MSH4: variants seen among roughly 807,000 people sequenced by gnomAD.
MSH4 encodes the protein mutS homolog 4.
In MSH4, 106 loss-of-function variants were observed where a neutral mutation model predicts 113.7. That is an observed-to-expected ratio of 0.93 (90% confidence interval 0.80 to 1.10). The LOEUF (loss-of-function observed/expected upper bound fraction) is 1.10, where lower values mean the gene tolerates loss of function less well. MSH4 is among the 50% of genes least tolerant of loss of function. MSH4 has a pLI of 0.00. For synonymous variants in MSH4, 368 were observed against 380.2 expected, an observed-to-expected ratio of 0.97 and a Z score of 0.37; for missense variants, 1,061 against 1,093.7, an observed-to-expected ratio of 0.97 and a Z score of 0.42.
chr1:75,853,199 G>A (rs1261578974), intron 8 of MSH4, among the ~76,000 whole-genome samples: 1 of 151,922 alleles, frequency 6.6e-6, no homozygotes, highest in African/African-American at 2.4e-5. Context: ...CAAGTAGCTG[G>A]GATTACAGGC....
rs878935700 is a variant in MSH4 at position 75,803,987 on chromosome 1, T to C, written c.427+74T>C. ...TTTTATAAATTATAAATTAGGGTTATTAAGTTCATTTGAATTTATCTATAA... is the reference window on the plus strand; with the variant it reads ...TTTTATAAATTATAAATTAGGGTTACTAAGTTCATTTGAATTTATCTATAA... On this transcript the variant is annotated intron_variant, in intron 2 of 19. Coordinates refer to ENST00000263187, the MANE Select transcript of MSH4 (RefSeq NM_002440.4). 4 of 1,060,178 alleles carry C rather than the reference T, an allele frequency of 3.8e-6. No individual in the cohort carries two copies. The South Asian group carries it at 8.2e-5, about 22-fold the overall frequency. The allele number at this position is 1,060,178 out of a possible 1,614,324, so 65.7% of individuals were successfully genotyped here.
rs192683132 is a variant in MSH4, at chr1:75,823,344, T to C, written c.1162+763T>C. Among the ~76,000 whole-genome samples the C allele has an allele frequency of 2.9e-3, 435 of 150,892 alleles. 4 individuals are homozygous for C. Among genetic ancestry groups the C allele is most frequent in the African/African-American group, 0.01 (421 of 40,586 alleles). ...CGGAGTTAAGACTTCACAGTATCATTTGGGGGTCACAATTCAACCCATAAC... is the reference window on the plus strand; with the variant it reads ...CGGAGTTAAGACTTCACAGTATCATCTGGGGGTCACAATTCAACCCATAAC... On this transcript the variant is annotated intron_variant, in intron 7 of 19. Transcript: ENST00000263187.
In MSH4 at chr1:75,838,225, C is replaced by T. The variant is rs60005977; in HGVS notation, c.1163-9984C>T. The stretch of plus-strand genomic sequence containing the variant: ...CTTGCTCTTTCTACTTTCTAGAGGC[C>T]GCCTACATTTCTTGGCTCTTAGCCC... On this transcript the variant is annotated intron_variant, in intron 7 of 19. Transcript: ENST00000263187. Among the ~76,000 whole-genome samples, 579 of 152,214 alleles carry T rather than the reference C, an allele frequency of 3.8e-3. 1 individual carries two copies. The highest frequency in any genetic ancestry group is 0.013 in the African/African-American group (551 of 41,526).
intron 8 of MSH4, among the ~76,000 whole-genome samples, chr1:75,859,607 T>C (rs1471954123): frequency 6.6e-6 from 1 of 152,270 alleles, no homozygotes; most frequent in Non-Finnish European, 1.5e-5. Context: ...TCTAATTTAT[T>C]GCACTGTGGT....
intron 4 of MSH4, among the ~76,000 whole-genome samples, chr1:75,812,367 C>T (rs1650208199): frequency 6.6e-6 from 1 of 152,044 alleles, no homozygotes; most frequent in Non-Finnish European, 1.5e-5. Flanking sequence ...TAAGCACAAG[C>T]TCAGTAGAGT....
chr1:75,821,945 A>G lies in MSH4; in HGVS notation c.990-464A>G, dbSNP rs557935062. On this transcript the variant is annotated intron_variant, in intron 6 of 19. Transcript: ENST00000263187. ...GAACCTCATGCTTTTTATTAGACCT[A>G]CTGAATTAGAAATTTATGTAATTGT... Among the ~76,000 whole-genome samples, 3 of 152,166 alleles carry G rather than the reference A, an allele frequency of 2.0e-5. No homozygotes were observed. The South Asian group carries it at 6.2e-4, about 32-fold the overall frequency.
In MSH4 at chr1:75,883,698, C is replaced by T; in HGVS notation, c.1984C>T (p.Pro662Ser). The change falls in exon 15 of 20, where the codon CCT becomes TCT. Residue 662 changes from proline (P) to serine (S), a missense_variant. Physicochemically the swap from Pro to Ser is moderately conservative, Grantham distance 74 (BLOSUM62 -1). Coordinates refer to ENST00000263187, the MANE Select transcript of MSH4 (RefSeq NM_002440.4). ...PILEKISAEK[P>S]IANNTYVTEG... The stretch of plus-strand genomic sequence containing the variant: ...TCTTGAAAAAATATCTGCGGAAAAA[C>T]CTATTGCCAACAATACCTATGTTAC... The T allele has an allele frequency of 1.2e-6, 2 of 1,612,846 alleles. No individual in the cohort carries two copies. Among genetic ancestry groups the T allele is most frequent in the Non-Finnish European group, 1.7e-6 (2 of 1,179,378 alleles).
intron 14 of MSH4, 64 bp from the exon 15 acceptor site, chr1:75,883,557 C>A: frequency 7.8e-7 from 1 of 1,285,608 alleles, no homozygotes; most frequent in Non-Finnish European, 1.1e-6. Context: ...AATACATACA[C>A]ACTACAAAAT....
chr1:75,911,318 G>T (rs1336486373), intron 19 of MSH4, among the ~76,000 whole-genome samples: 2 of 151,958 alleles, frequency 1.3e-5, no homozygotes, highest in Non-Finnish European at 2.9e-5. Context: ...TGAATTACTT[G>T]CCATTTCATC....
In MSH4 at chr1:75,883,650, A is replaced by G. The variant is rs771439238; in HGVS notation, c.1936A>G (p.Ile646Val). ...VRPEFTDTLA[I>V]KQGWHPILEK... The stretch of plus-strand genomic sequence containing the variant: ...ACCAGAATTTACTGATACTTTAGCA[A>G]TCAAACAGGGATGGCATCCTATTCT... The change falls in exon 15 of 20, where the codon ATC becomes GTC. Residue 646 changes from isoleucine to valine, a missense_variant. Ile to Val is a conservative substitution (Grantham distance 29). Coordinates refer to ENST00000263187, the MANE Select transcript of MSH4 (RefSeq NM_002440.4). 2.5e-6 allele frequency: 4 copies of G among 1,613,098 alleles called. No homozygotes were observed. The South Asian group carries it at 4.4e-5, about 18-fold the overall frequency.
chr1:75,841,166 TCC>T (rs1650951184), intron 7 of MSH4, among the ~76,000 whole-genome samples: 2 of 116,570 alleles, frequency 1.7e-5, no homozygotes, highest in African/African-American at 6.6e-5. Context: ...CTTCCCTCCC[TCC>T]CTCCCTCCCT....
At chr1:75,867,021 G>A (rs1183909825) in intron 8 of MSH4, among the ~76,000 whole-genome samples, 1 of 152,022 alleles carries the variant, frequency 6.6e-6, no homozygotes, top group Admixed American at 6.6e-5. Context: ...TGTTGATATT[G>A]CTTTATTTTG....
intron 7 of MSH4, among the ~76,000 whole-genome samples, chr1:75,838,200 C>T (rs1309272151): frequency 1.3e-5 from 2 of 152,152 alleles, no homozygotes; most frequent in African/African-American, 4.8e-5. Flanking sequence ...AGTCCATTTC[C>T]TTGCTCTTTC....
At chr1:75,839,905 A>G (rs533646012) in intron 7 of MSH4, among the ~76,000 whole-genome samples, 2 of 146,170 alleles carry the variant, frequency 1.4e-5, no homozygotes, top group African/African-American at 2.5e-5. Flanking sequence ...GCAGCCAAAA[A>G]ACACATGAAA....
intron 8 of MSH4, among the ~76,000 whole-genome samples, chr1:75,860,541 A>G (rs925536516): frequency 4.6e-5 from 7 of 152,216 alleles, no homozygotes; most frequent in African/African-American, 1.2e-4. Context: ...TTGGCTGGAT[A>G]TGAAATTATG....
chr1:75,815,220 T>C, intron 5 of MSH4, 84 bp downstream of exon 5: 1 of 726,996 alleles, frequency 1.4e-6, no homozygotes, highest in Non-Finnish European at 2.2e-6. Context: ...GGAAAGTAAA[T>C]AAATCTCCAG....
At chr1:75,876,798 ATATAT>A in intron 9 of MSH4, 133 bp from the exon 10 acceptor site, 1 of 405,286 alleles carries the variant, frequency 2.5e-6, no homozygotes, top group Non-Finnish European at 4.4e-6. Flanking sequence ...ATAGCTACAA[ATATAT>A]TTTATGAGTA....
chr1:75,889,249 A>G lies in MSH4; in HGVS notation c.2108-2A>G. On this transcript the variant is annotated splice_acceptor_variant, in intron 15 of 19. Coordinates refer to ENST00000263187, the MANE Select transcript of MSH4 (RefSeq NM_002440.4). LOFTEE classifies it high-confidence loss of function. ...AGTTTATCTTGACCTTATATTTTAC[A>G]GGATCATATGTTCCAGCAGAATATT... 7.7e-7 allele frequency: 1 copy of G among 1,292,298 alleles called. No homozygotes were observed. Among genetic ancestry groups the G allele is most frequent in the African/African-American group, 1.5e-5 (1 of 67,106 alleles). 80.1% of individuals were successfully genotyped at this position (1,292,298 alleles called of 1,614,324 possible). A position where few individuals can be genotyped will look rare whatever the true frequency, so the allele number is the denominator to read the frequency against.
chr1:75,841,182 G>T (rs890743565), intron 7 of MSH4, among the ~76,000 whole-genome samples: 1 of 39,894 alleles, frequency 2.5e-5, no homozygotes, highest in Non-Finnish European at 4.9e-5. Context: ...CCTCCCTCCC[G>T]CTTTCTCTTC....
Sources: gnomAD v4.1 joint callset for allele counts (sites outside exome capture counted in the v4.1 genomes callset) on GRCh38, gnomAD v4.1.1 for gene constraint, MANE v1.5 for transcripts, NCBI Gene and HGNC (gene_info 2026-07-23, HGNC 2026-07-21) for gene names.